Variants in MAGI2 observed in about 807,000 individuals in gnomAD.
MAGI2 encodes the protein membrane-associated guanylate kinase, WW and PDZ domain-containing protein 2.
Under a neutral mutation model 133.3 loss-of-function variants are expected in MAGI2, and 35 were observed. The ratio of observed to expected loss-of-function variants is 0.26; its 90% confidence interval spans 0.20 to 0.35. The LOEUF is 0.35. Among genes scored for constraint, MAGI2 ranks in the 10% least tolerant of loss-of-function variants. The pLI, the probability that MAGI2 is intolerant of heterozygous loss-of-function variation, is 1.00. For synonymous variants in MAGI2, 729 were observed against 710.6 expected (o/e 1.03, Z -0.41); for missense variants, 1,636 against 1,863.4 (o/e 0.88, Z 2.25).
At chr7:78,386,173 C>T (rs1274641439) in intron 6 of MAGI2, among the ~76,000 whole-genome samples, 2 of 152,044 alleles carry the variant, frequency 1.3e-5, no homozygotes, top group African/African-American at 2.4e-5. Flanking sequence ...TACAAAATCC[C>T]TTTTGATAAA....
intron 6 of MAGI2, among the ~76,000 whole-genome samples, chr7:78,390,477 T>A (rs1795799135): frequency 6.6e-6 from 1 of 152,132 alleles, no homozygotes; most frequent in South Asian, 2.1e-4. Context: ...TTTTTCTGTG[T>A]AAAGGGGTCC....
intron 1 of MAGI2, among the ~76,000 whole-genome samples, chr7:79,175,152 A>G (rs907827544): frequency 6.6e-6 from 1 of 151,986 alleles, no homozygotes; most frequent in Non-Finnish European, 1.5e-5. Flanking sequence ...AATGAAATAG[A>G]GAAAACAATC....
At chr7:79,290,900 A>G (rs562097020) in intron 1 of MAGI2, among the ~76,000 whole-genome samples, 1 of 152,230 alleles carries the variant, frequency 6.6e-6, no homozygotes, top group Non-Finnish European at 1.5e-5. Context: ...AAAGTGTATA[A>G]GTCATTTGCA....
intron 2 of MAGI2, among the ~76,000 whole-genome samples, chr7:78,849,201 A>G (rs1015545584): frequency 1.3e-4 from 20 of 152,100 alleles, no homozygotes; most frequent in African/African-American, 4.3e-4. Flanking sequence ...GACTTTTTAG[A>G]CGCTTACTGG....
At chr7:79,355,045 C>G (rs184713130) in intron 1 of MAGI2, among the ~76,000 whole-genome samples, 4 of 152,198 alleles carry the variant, frequency 2.6e-5, no homozygotes, top group Non-Finnish European at 5.9e-5. Flanking sequence ...AGAGTCTTGC[C>G]CTTTTACCCA....
chr7:78,846,765 A>G (rs1792651476), intron 2 of MAGI2, among the ~76,000 whole-genome samples: 1 of 152,028 alleles, frequency 6.6e-6, no homozygotes, highest in Non-Finnish European at 1.5e-5. Context: ...CCAGAGTCAA[A>G]ACACTTGAGT....
At chr7:78,400,495 T>C (rs1796760148) in intron 6 of MAGI2, among the ~76,000 whole-genome samples, 1 of 152,218 alleles carries the variant, frequency 6.6e-6, no homozygotes, top group African/African-American at 2.4e-5. Flanking sequence ...GGGAAATGAA[T>C]GCAGTGAAAT....
rs1845128887 is a variant in MAGI2, at chr7:79,397,256, G to A, written c.301+55764C>T. On this transcript the variant is annotated intron_variant, in intron 1 of 21. Coordinates refer to ENST00000354212, the MANE Select transcript of MAGI2 (RefSeq NM_012301.4). ...TATATTTATGTTAAAAATAAAATTG[G>A]CATCAGACTTATCAACATAGATTTG... Among the ~76,000 whole-genome samples, 3 of 150,236 alleles carry A rather than the reference G, an allele frequency of 2.0e-5. No homozygotes were observed. The South Asian group carries it at 6.3e-4, about 31-fold the overall frequency.
chr7:78,334,958 C>T (rs1789600898), intron 9 of MAGI2, among the ~76,000 whole-genome samples: 1 of 152,136 alleles, frequency 6.6e-6, no homozygotes, highest in Non-Finnish European at 1.5e-5. Context: ...AGCTGGCAAA[C>T]TAAGACCCAT....
chr7:78,413,066 C>T (rs1798001240), intron 6 of MAGI2, among the ~76,000 whole-genome samples: 1 of 152,086 alleles, frequency 6.6e-6, no homozygotes, highest in Admixed American at 6.6e-5. Flanking sequence ...TCACTGTTAT[C>T]TGAAGTCAGG....
intron 9 of MAGI2, among the ~76,000 whole-genome samples, chr7:78,341,061 T>C (rs1452148069): frequency 6.6e-6 from 1 of 152,138 alleles, no homozygotes; most frequent in Non-Finnish European, 1.5e-5. Context: ...GAAAACCCCA[T>C]CGTCTCAGCC....
chr7:79,008,117 TGTAA>T (rs1333941124), intron 1 of MAGI2, among the ~76,000 whole-genome samples: 1 of 152,056 alleles, frequency 6.6e-6, no homozygotes, highest in African/African-American at 2.4e-5. Flanking sequence ...CCAGTAAAAA[TGTAA>T]GTAAGAATTC....
chr7:79,229,864 T>C (rs576876587), intron 1 of MAGI2, among the ~76,000 whole-genome samples: 111 of 151,746 alleles, frequency 7.3e-4, no homozygotes, highest in African/African-American at 2.7e-3. Context: ...TACATATGTA[T>C]ACATGTGCCA....
At chr7:78,282,926 CCATTATCCAACAAAG>C (rs1277596418) in intron 9 of MAGI2, among the ~76,000 whole-genome samples, 2 of 152,020 alleles carry the variant, frequency 1.3e-5, no homozygotes. Context: ...CTATCAGATT[CCATTATCCAACAAAG>C]TAAATATCTA....
rs17151487 is a variant in MAGI2 at position 78,792,295 on chromosome 7, G to A, written c.419-165056C>T. On this transcript the variant is annotated intron_variant, in intron 2 of 21. Coordinates refer to ENST00000354212, the MANE Select transcript of MAGI2 (RefSeq NM_012301.4). ...CACTTAGGAAATGTTTGTTGTCCAC[G>A]TCATATTTCCAGTTTACAGTTTTAA... Among the ~76,000 whole-genome samples the A allele has an allele frequency of 2.3e-3, 355 of 152,180 alleles. 12 individuals carry two copies. The East Asian group carries it at 0.058, about 25-fold the overall frequency.
chr7:78,915,857 G>T (rs756125224), intron 2 of MAGI2, among the ~76,000 whole-genome samples: 1 of 151,996 alleles, frequency 6.6e-6, no homozygotes, highest in East Asian at 1.9e-4. Flanking sequence ...TTTTACATAA[G>T]GTCATCAGAG....
chr7:78,473,609 G>A (rs1232637180), intron 6 of MAGI2, among the ~76,000 whole-genome samples: 2 of 152,010 alleles, frequency 1.3e-5, no homozygotes, highest in East Asian at 3.9e-4. Context: ...TCTAAATGAA[G>A]TCCTTCCTAA....
At chr7:78,483,573 A>G (rs989062384) in intron 6 of MAGI2, among the ~76,000 whole-genome samples, 2 of 151,766 alleles carry the variant, frequency 1.3e-5, no homozygotes, top group African/African-American at 4.8e-5. Context: ...AAAATTTGGT[A>G]CTGGTGCACG....
At chr7:78,671,281 CTTTTT>C (rs34087973) in intron 2 of MAGI2, among the ~76,000 whole-genome samples, 2 of 144,076 alleles carry the variant, frequency 1.4e-5, no homozygotes, top group East Asian at 2.0e-4. Flanking sequence ...CTCTCTCTCT[CTTTTT>C]TTTTTTTTTA....
Sources: allele counts gnomAD v4.1 joint callset (sites outside exome capture counted in the v4.1 genomes callset), GRCh38; gene constraint gnomAD v4.1.1; transcripts MANE v1.5; gene names NCBI Gene and HGNC (gene_info 2026-07-23, HGNC 2026-07-21).